The following CTNNA3 variants were observed in gnomAD, a reference collection of about 807,000 sequenced individuals.
CTNNA3 encodes the protein catenin alpha-3.
Under a neutral mutation model 95.7 loss-of-function variants are expected in CTNNA3, and 76 were observed. The ratio of observed to expected loss-of-function variants is 0.79; its 90% CI spans 0.66 to 0.96. The LOEUF (loss-of-function observed/expected upper bound fraction) is 0.96, where lower values mean the gene tolerates loss of function less well. Among genes scored for constraint, CTNNA3 ranks in the 40% least tolerant of loss-of-function variants. The probability of loss-of-function intolerance (pLI) is 0.00; values close to 1 mark genes in which losing one functional copy is unlikely to be tolerated. For missense variants in CTNNA3, 1,191 were observed against 1,089.8 expected (o/e 1.09, Z -1.31); for synonymous variants, 431 against 374.4 (o/e 1.15, Z -1.74).
chr10:67,400,119 G>A (rs1343441859), intron 5 of CTNNA3, among the ~76,000 whole-genome samples: 2 of 119,680 alleles, frequency 1.7e-5, no homozygotes, highest in Non-Finnish European at 3.2e-5. Flanking sequence ...CCCTTCCTAT[G>A]TCCATGTGTT....
chr10:66,162,658 A>C (rs1004632065), intron 13 of CTNNA3, among the ~76,000 whole-genome samples: 1 of 152,046 alleles, frequency 6.6e-6, no homozygotes, highest in Non-Finnish European at 1.5e-5. Flanking sequence ...AGCTTTGGTC[A>C]TTTAATGCTT....
intron 12 of CTNNA3, among the ~76,000 whole-genome samples, chr10:66,313,262 C>A (rs572350100): frequency 6.6e-6 from 1 of 152,234 alleles, no homozygotes; most frequent in Non-Finnish European, 1.5e-5. Flanking sequence ...AGATAGATAG[C>A]TAGTAAGTGA....
chr10:67,106,322 A>T (rs538491621), intron 7 of CTNNA3, among the ~76,000 whole-genome samples: 2 of 152,334 alleles, frequency 1.3e-5, no homozygotes, highest in South Asian at 4.1e-4. Flanking sequence ...TGCCACTGAG[A>T]ATATAAATAC....
At chr10:67,178,214 G>T (rs936906657) in intron 7 of CTNNA3, among the ~76,000 whole-genome samples, 37 of 152,064 alleles carry the variant, frequency 2.4e-4, no homozygotes, top group African/African-American at 8.7e-4. Flanking sequence ...TCATTTGGTG[G>T]GGCCACAGAT....
intron 7 of CTNNA3, among the ~76,000 whole-genome samples, chr10:66,781,946 C>T (rs888435009): frequency 6.6e-6 from 1 of 152,112 alleles, no homozygotes; most frequent in Non-Finnish European, 1.5e-5. Flanking sequence ...AGAACTGTGT[C>T]CCATCTCAGA....
chr10:66,050,604 T>C (rs2079930929), intron 15 of CTNNA3, among the ~76,000 whole-genome samples: 1 of 152,122 alleles, frequency 6.6e-6, no homozygotes, highest in South Asian at 2.1e-4. Flanking sequence ...GCTCCTTAGA[T>C]TTTTATAATA....
intron 13 of CTNNA3, among the ~76,000 whole-genome samples, chr10:66,107,061 T>C (rs2081942739): frequency 1.3e-5 from 2 of 152,140 alleles, no homozygotes; most frequent in South Asian, 4.1e-4. Flanking sequence ...CGAAATTATC[T>C]CTTAAACTGG....
In CTNNA3 at chr10:66,119,133, G is replaced by A. The variant is rs542814227; in HGVS notation, c.1885-15884C>T. Among the ~76,000 whole-genome samples, 13 of 152,184 alleles carry A rather than the reference G, an allele frequency of 8.5e-5. No homozygotes were observed. In the South Asian group the frequency reaches 2.7e-3, roughly 32 times the overall value. Reference sequence around the variant, plus strand: ...TTTAAATAGATACAGATTACATTCAGCAGGTATTCATGGATTACCTACTAT... The same window carrying A: ...TTTAAATAGATACAGATTACATTCAACAGGTATTCATGGATTACCTACTAT... On this transcript the variant is annotated intron_variant, in intron 13 of 17. Coordinates refer to ENST00000433211, the MANE Select transcript of CTNNA3 (RefSeq NM_013266.4).
At chr10:67,490,937 T>G (rs980699672) in intron 5 of CTNNA3, among the ~76,000 whole-genome samples, 6 of 152,090 alleles carry the variant, frequency 3.9e-5, no homozygotes, top group African/African-American at 1.4e-4. Flanking sequence ...AAATAAACTA[T>G]CTTTTACAAC....
chr10:66,716,292 T>G (rs1256394382), intron 9 of CTNNA3, among the ~76,000 whole-genome samples: 1 of 152,054 alleles, frequency 6.6e-6, no homozygotes, highest in East Asian at 1.9e-4. Flanking sequence ...AGGAAAACAA[T>G]CCTCGATTCT....
intron 10 of CTNNA3, among the ~76,000 whole-genome samples, chr10:66,596,358 TACCCTATGCTC>T (rs1354543365): frequency 6.6e-6 from 1 of 152,074 alleles, no homozygotes; most frequent in Non-Finnish European, 1.5e-5. Flanking sequence ...CTACATATGG[TACCCTATGCTC>T]ACCCACAGAC....
chr10:65,924,747 A>G (rs1268687218), intron 17 of CTNNA3, among the ~76,000 whole-genome samples: 3 of 152,162 alleles, frequency 2.0e-5, no homozygotes, highest in African/African-American at 7.2e-5. Context: ...CATACCTGAG[A>G]CTGGGTAATT....
intron 5 of CTNNA3, among the ~76,000 whole-genome samples, chr10:67,506,238 G>A (rs1396523854): frequency 6.6e-6 from 1 of 152,040 alleles, no homozygotes; most frequent in South Asian, 2.1e-4. Context: ...CTAAATCATT[G>A]AACAAAATAT....
At chr10:65,986,675 C>T (rs576459104) in intron 16 of CTNNA3, among the ~76,000 whole-genome samples, 41 of 150,672 alleles carry the variant, frequency 2.7e-4, no homozygotes, top group African/African-American at 8.2e-4. Context: ...TAGAAAAATA[C>T]CAATGACATT....
chr10:66,212,564 A>C (rs543999859), intron 13 of CTNNA3, among the ~76,000 whole-genome samples: 16 of 152,032 alleles, frequency 1.1e-4, no homozygotes, highest in African/African-American at 3.9e-4. Context: ...GCTTTTGAAG[A>C]GGGTGCAACA....
intron 5 of CTNNA3, among the ~76,000 whole-genome samples, chr10:67,270,634 G>A (rs1222767992): frequency 3.9e-5 from 6 of 152,098 alleles, no homozygotes; most frequent in South Asian, 4.1e-4. Context: ...AATGTGCTCC[G>A]TATAAGTGAA....
At chr10:66,651,774 G>A (rs1203462613) in intron 9 of CTNNA3, among the ~76,000 whole-genome samples, 1 of 65,888 alleles carries the variant, frequency 1.5e-5, no homozygotes, top group Non-Finnish European at 2.9e-5. Context: ...GGCCAGCCAA[G>A]CCCACGCCCA....
chr10:67,092,015 G>A (rs1857673262), intron 7 of CTNNA3, among the ~76,000 whole-genome samples: 1 of 151,874 alleles, frequency 6.6e-6, no homozygotes, highest in Non-Finnish European at 1.5e-5. Context: ...AAGTTTAGTA[G>A]ATGAAAAATA....
intron 17 of CTNNA3, among the ~76,000 whole-genome samples, chr10:65,930,988 A>G (rs1394718581): frequency 6.6e-6 from 1 of 152,224 alleles, no homozygotes; most frequent in Non-Finnish European, 1.5e-5. Context: ...TCTGATTTTT[A>G]AATAAAACAT....
Sources: allele counts gnomAD v4.1 joint callset (sites outside exome capture counted in the v4.1 genomes callset), GRCh38; gene constraint gnomAD v4.1.1; transcripts MANE v1.5; gene names NCBI Gene and HGNC (gene_info 2026-07-23, HGNC 2026-07-21).